Variants in HPN observed in about 807,000 individuals in gnomAD.
HPN encodes hepsin.
A neutral mutation model predicts 55.9 loss-of-function variants in HPN; 13 were observed. The observed-to-expected ratio is 0.23, with a 90% CI of 0.15 to 0.37. The LOEUF (loss-of-function observed/expected upper bound fraction) is 0.37, where lower values mean the gene tolerates loss of function less well. Among genes scored for constraint, HPN ranks in the 10% least tolerant of loss-of-function variants. The probability of loss-of-function intolerance (pLI) is 1.00; values close to 1 mark genes in which losing one functional copy is unlikely to be tolerated. For missense variants in HPN, 451 were observed against 575.8 expected (o/e 0.78, Z 2.22); for synonymous variants, 225 against 240.3 (o/e 0.94, Z 0.59).
intron 2 of HPN, among the ~76,000 whole-genome samples, chr19:35,045,789 G>T (rs1237795366): frequency 2.0e-5 from 3 of 151,796 alleles, no homozygotes; most frequent in Admixed American, 1.3e-4. Context: ...TGAGGATGCT[G>T]CCTGTCCCAG....
At chr19:35,042,312 A>G (rs2064302219) in intron 1 of HPN, 141 bp from the exon 2 acceptor site, 3 of 1,401,538 alleles carry the variant, frequency 2.1e-6, no homozygotes, top group African/African-American at 1.5e-5. Context: ...ACCCAGCCCA[A>G]TCTGCGTCCG....
rs2064295440 is a variant in HPN, at chr19:35,041,725, A to T, written c.-202A>T. 9.1e-7 allele frequency: 1 copy of T among 1,104,312 alleles called. No individual in the cohort carries two copies. The highest frequency in any genetic ancestry group is 1.1e-6 in the Non-Finnish European group (1 of 894,448). 68.4% of individuals were successfully genotyped at this position (1,104,312 alleles called of 1,614,324 possible). ...CGCCCAGCCCCCTCCTCCTCAGGTG[A>T]GGCAGCCTGGCCTAGCAGGCCCCAC... On this transcript the variant is annotated 5_prime_UTR_variant, in exon 1 of 13. Transcript: ENST00000672452.
chr19:35,048,082 A>AAGGAAGAAAGAAAGAAAGAAAAGGAAGG (rs111546288), intron 2 of HPN, among the ~76,000 whole-genome samples: 1 of 96,984 alleles, frequency 1.0e-5, no homozygotes, highest in African/African-American at 4.0e-5. Flanking sequence ...GAAAGAAAGA[A>AAGGAAGAAAGAAAGAAAGAAAAGGAAGG]AAGGAAGGAA....
Position 35,060,792 on chromosome 19 carries a change from C to A in HPN, c.786C>A (p.His262Gln), listed in dbSNP as rs772252121. The A allele has an allele frequency of 3.8e-6, 6 of 1,593,650 alleles. No homozygotes were observed. The Admixed American group carries it at 8.5e-5, about 23-fold the overall frequency. ...ACAGCAACGATATTGCCCTGGTCCA[C>A]CTCTCCAGTCCCCTGCCCCTCACAG... ...EENSNDIALV[H>Q]LSSPLPLTEY... is the part of the protein sequence containing the mutation. The change falls in exon 9 of 13, where the codon CAC (histidine) becomes CAA (glutamine). Residue 262 changes from histidine (H) to glutamine (Q), a missense_variant. His to Gln is a conservative substitution (Grantham distance 24). Around this residue, in one of 2 missense-constraint regions of HPN, gnomAD observed 378 missense variants for 445.5 expected, o/e 0.85. Transcript: ENST00000672452.
intron 1 of HPN, 76 bp from the exon 2 acceptor site, chr19:35,042,377 G>T (rs555955467): frequency 1.4e-6 from 2 of 1,469,208 alleles, no homozygotes; most frequent in Middle Eastern, 2.0e-4. Flanking sequence ...CTGGATGGAC[G>T]CCTGGGACTG....
At chr19:35,047,010 A>C (rs958323338) in intron 2 of HPN, among the ~76,000 whole-genome samples, 2 of 151,804 alleles carry the variant, frequency 1.3e-5, no homozygotes, top group Admixed American at 6.6e-5. Flanking sequence ...TTGTATTCTT[A>C]GTAGAGACGG....
intron 9 of HPN, 36 bp downstream of exon 9, chr19:35,060,853 C>A: frequency 6.6e-7 from 1 of 1,519,568 alleles, no homozygotes; most frequent in Non-Finnish European, 8.9e-7. Context: ...GCTTGAGGAC[C>A]CGAGGCCAGG....
At chr19:35,054,527 C>G (rs1414156191) in intron 4 of HPN, among the ~76,000 whole-genome samples, 1 of 152,166 alleles carries the variant, frequency 6.6e-6, no homozygotes, top group Non-Finnish European at 1.5e-5. Flanking sequence ...TGACACCCCC[C>G]AGTAAACGTA....
intron 4 of HPN, among the ~76,000 whole-genome samples, chr19:35,055,395 T>C (rs907456609): frequency 1.4e-4 from 5 of 36,630 alleles, no homozygotes; most frequent in African/African-American, 4.0e-4. Flanking sequence ...AGACCCTGTC[T>C]CAAAAAAGAA....
chr19:35,065,876 C>T lies in HPN; in HGVS notation c.1059C>T (p.Ser353=), dbSNP rs1227466391. 3.7e-6 allele frequency: 6 copies of T among 1,613,928 alleles called. No homozygotes were observed. Among genetic ancestry groups the T allele is most frequent in the African/African-American group, 2.7e-5 (2 of 75,052 alleles). The change falls in exon 12 of 13, where the codon AGC becomes AGT. Residue 353 remains serine (S), a synonymous_variant. Transcript: ENST00000672452. Reference sequence around the variant, plus strand: ...TCCCTCTCCCCTCCCAGGGCGACAGCGGTGGTCCCTTTGTGTGTGAGGACA... The same window carrying T: ...TCCCTCTCCCCTCCCAGGGCGACAGTGGTGGTCCCTTTGTGTGTGAGGACA... ...EGGIDACQGD[S]GGPFVCEDSI...
At chr19:35,060,102 C>G in intron 6 of HPN, 27 bp from the exon 7 acceptor site, 4 of 1,614,184 alleles carry the variant, frequency 2.5e-6, no homozygotes, top group Non-Finnish European at 3.4e-6. Flanking sequence ...TCCTTTCTTT[C>G]TGTGTCTCCA....
intron 7 of HPN, 22 bp from the exon 8 acceptor site, chr19:35,060,325 C>CT (rs397701550): frequency 1.2e-6 from 2 of 1,609,812 alleles, no homozygotes; most frequent in African/African-American, 1.3e-5. Context: ...GTCGCCGCCC[C>CT]CTGCTGACCC....
In HPN at chr19:35,043,299, G is replaced by T. The variant is rs374403976; in HGVS notation, c.16+777G>T. Among the ~76,000 whole-genome samples, 40 of 152,328 alleles carry T rather than the reference G, an allele frequency of 2.6e-4. 1 individual carries two copies. The East Asian group carries it at 7.5e-3, about 29-fold the overall frequency. The stretch of plus-strand genomic sequence containing the variant: ...CTTGGGAGTCTCTGGGCAGCCCCCA[G>T]CTAGCCTGGCTTCCTTTCTACCTCT... On this transcript the variant is annotated intron_variant, in intron 2 of 12. Transcript: ENST00000672452.
chr19:35,041,688 T>TCCCCCCCCCCCCCCCCCCCCCC, upstream of HPN: 3 of 638,114 alleles, frequency 4.7e-6, no homozygotes, highest in South Asian at 2.6e-5. Context: ...CCCCGCCCCT[T>TCCCCCCCCCCCCCCCCCCCCCC]CACCCGCCCC....
intron 4 of HPN, chr19:35,050,600 T>A (rs2064393803): frequency 1.8e-6 from 2 of 1,112,562 alleles, no homozygotes; most frequent in African/African-American, 3.2e-5. Flanking sequence ...GATGAATGAA[T>A]GAATCTTCCC....
chr19:35,046,385 T>C (rs1020948813), intron 2 of HPN, among the ~76,000 whole-genome samples: 10 of 151,546 alleles, frequency 6.6e-5, no homozygotes, highest in African/African-American at 9.7e-5. Context: ...GCTGGGACTA[T>C]AGGCGCCCGC....
chr19:35,059,713 C>G lies in HPN; in HGVS notation c.201C>G (p.Asp67Glu). The change falls in exon 5 of 13, where the codon GAC (aspartate) becomes GAG (glutamate). Residue 67 changes from aspartate (D) to glutamate (E), a missense_variant. By Grantham distance (45) the Asp-to-Glu change is conservative (BLOSUM62 2). Coordinates refer to ENST00000672452, the MANE Select transcript of HPN (RefSeq NM_001384133.1). ...SSADARLMVF[D>E]KTEGTWRLLC... ...CGGACGCTCGGCTCATGGTCTTTGA[C>G]AAGACGGAAGGGACGTGGCGGCTGC... 1 of 1,600,972 alleles carries G rather than the reference C, an allele frequency of 6.2e-7. No homozygotes were observed. Among genetic ancestry groups the G allele is most frequent in the Non-Finnish European group, 8.5e-7 (1 of 1,174,508 alleles).
At chr19:35,050,373 C>T (rs1006654056) in intron 4 of HPN, 88 of 539,488 alleles carry the variant, frequency 1.6e-4, no homozygotes, top group Non-Finnish European at 2.2e-4. Flanking sequence ...CCACCCGCCT[C>T]GGCCTCCCAA....
intron 9 of HPN, 33 bp downstream of exon 9, chr19:35,060,850 G>C (rs763446804): frequency 1.3e-6 from 2 of 1,526,118 alleles, no homozygotes; most frequent in Non-Finnish European, 8.8e-7. Flanking sequence ...GGGGCTTGAG[G>C]ACCCGAGGCC....
Sources: gnomAD v4.1 joint callset for allele counts (sites outside exome capture counted in the v4.1 genomes callset) on GRCh38, gnomAD v4.1.1 for gene constraint, gnomAD v4.1.1 regional missense constraint, MANE v1.5 for transcripts, NCBI Gene and HGNC (gene_info 2026-07-23, HGNC 2026-07-21) for gene names.